The following COL15A1 variants were observed in gnomAD, a reference collection of about 807,000 sequenced individuals.
COL15A1 encodes the protein collagen alpha-1(XV) chain.
COL15A1 carries 111 observed loss-of-function variants against 165.9 expected under a neutral mutation model. That is an observed-to-expected ratio of 0.67 (90% CI 0.57 to 0.78). COL15A1 has a LOEUF of 0.78. Ranked by LOEUF, COL15A1 falls within the 30% of genes least tolerant of loss-of-function variation. COL15A1 has a pLI of 0.00. For missense variants in COL15A1, 1,745 were observed against 1,789.7 expected (o/e 0.98, Z 0.45); for synonymous variants, 659 against 674.8 (o/e 0.98, Z 0.36).
chr9:98,952,413 T>C (rs180738267), intron 2 of COL15A1, among the ~76,000 whole-genome samples: 50 of 152,360 alleles, frequency 3.3e-4, no homozygotes, highest in African/African-American at 1.2e-3. Context: ...TCCCAGCTTC[T>C]CTCTACTCAT....
chr9:98,971,973 GCT>G (rs2118840824), intron 2 of COL15A1, among the ~76,000 whole-genome samples: 1 of 152,340 alleles, frequency 6.6e-6, no homozygotes, highest in South Asian at 2.1e-4. Flanking sequence ...GAACGGAGGT[GCT>G]GTACTGACAG....
At chr9:98,986,206 T>C (rs999682253) in intron 3 of COL15A1, 94 bp downstream of exon 3, 1 of 996,948 alleles carries the variant, frequency 1.0e-6, no homozygotes, top group Non-Finnish European at 1.5e-6. Flanking sequence ...ATTATTTTAT[T>C]CTTATGTCCT....
intron 5 of COL15A1, among the ~76,000 whole-genome samples, chr9:98,991,019 T>C (rs1476206675): frequency 6.6e-6 from 1 of 152,138 alleles, no homozygotes; most frequent in Non-Finnish European, 1.5e-5. Flanking sequence ...TTACAACTCT[T>C]AGGGCAGTGC....
chr9:99,047,884 T>G, intron 27 of COL15A1, 45 bp downstream of exon 27: 1 of 1,610,132 alleles, frequency 6.2e-7, no homozygotes, highest in Non-Finnish European at 8.5e-7. Flanking sequence ...GGAGGACACG[T>G]GGGCCAGGCT....
chr9:99,005,104 C>T, intron 9 of COL15A1, 54 bp downstream of exon 9: 1 of 1,503,988 alleles, frequency 6.6e-7, no homozygotes, highest in Non-Finnish European at 8.9e-7. Flanking sequence ...CAGCTCCTGA[C>T]CTTCTCAGAG....
intron 2 of COL15A1, among the ~76,000 whole-genome samples, chr9:98,951,513 T>G (rs149278848): frequency 0.01 from 1,532 of 152,362 alleles, 19 homozygotes; most frequent in Middle Eastern, 0.02. Flanking sequence ...GGCTTCTGAA[T>G]GGGACATGCA....
At chr9:99,040,774 C>A in intron 23 of COL15A1, 1 of 746,082 alleles carries the variant, frequency 1.3e-6, no homozygotes, top group African/African-American at 1.8e-5. Flanking sequence ...CTGCGTCAGC[C>A]TCCCAAAGTG....
chr9:98,981,586 A>G (rs753060434), intron 2 of COL15A1, among the ~76,000 whole-genome samples: 1 of 152,268 alleles, frequency 6.6e-6, no homozygotes, highest in Non-Finnish European at 1.5e-5. Context: ...CACCATTTAT[A>G]TGAGGTGTAG....
In COL15A1 at chr9:99,015,515, T is replaced by TGGCCTGGCTCCCCTCACAGCC; in HGVS notation, c.1453_1473dup (p.Gly485_Ala491dup). ...AGGAAGCCAGTGGGGTCCCCACAGA[T>TGGCCTGGCTCCCCTCACAGCC]GGCCTGGCTCCCCTCACAGCCACCA... On this transcript the variant is annotated inframe_insertion, in exon 10 of 42. Transcript: ENST00000375001. The TGGCCTGGCTCCCCTCACAGCC allele has an allele frequency of 3.1e-6, 5 of 1,613,772 alleles. No homozygotes were observed. Among genetic ancestry groups the TGGCCTGGCTCCCCTCACAGCC allele is most frequent in the Non-Finnish European group, 4.2e-6 (5 of 1,179,876 alleles).
At chr9:99,039,239 G>C (rs1475399689) in intron 22 of COL15A1, among the ~76,000 whole-genome samples, 1 of 152,192 alleles carries the variant, frequency 6.6e-6, no homozygotes, top group African/African-American at 2.4e-5. Context: ...GGCCAGAAGT[G>C]GTGGCTCACG....
At chr9:98,946,941 G>A (rs922452516) in intron 2 of COL15A1, among the ~76,000 whole-genome samples, 1 of 152,204 alleles carries the variant, frequency 6.6e-6, no homozygotes, top group Non-Finnish European at 1.5e-5. Context: ...AAGCATGTTT[G>A]TAAGTGGGCT....
In COL15A1 at chr9:99,015,586, C is replaced by T; in HGVS notation, c.1503+20C>T. On this transcript the variant is annotated intron_variant, in intron 10 of 41. Transcript: ENST00000375001. ...ACTTCTGTAAGTGTCATCTTGTGTC[C>T]TCTCTGGCTCACAGGGGAGAGACAG... 1 of 1,610,690 alleles carries T rather than the reference C, an allele frequency of 6.2e-7. No homozygotes were observed.
chr9:99,016,601 G>A (rs1449878551), intron 11 of COL15A1, among the ~76,000 whole-genome samples: 2 of 152,254 alleles, frequency 1.3e-5, no homozygotes, highest in Non-Finnish European at 2.9e-5. Context: ...GCAAGGCCAA[G>A]TCAGAGAATG....
In COL15A1 at chr9:98,947,318, G is replaced by A. The variant is rs186408626; in HGVS notation, c.100+3068G>A. On this transcript the variant is annotated intron_variant, in intron 2 of 41. Transcript: ENST00000375001. ...GACATTAAAAAGCAATACATTGTAA[G>A]AGTCCCTATATATGAGATTTCTGTA... Among the ~76,000 whole-genome samples, 960 of 152,198 alleles carry A rather than the reference G, an allele frequency of 6.3e-3. 6 individuals are homozygous for A. Among genetic ancestry groups the A allele is most frequent in the South Asian group, 0.012 (57 of 4,812 alleles).
At position 99,015,585 on chromosome 9, in the gene COL15A1, C is replaced by G. The variant is rs759796106; in HGVS notation, c.1503+19C>G. 1 of 1,611,106 alleles carries G rather than the reference C, an allele frequency of 6.2e-7. No homozygotes were observed. Among genetic ancestry groups the G allele is most frequent in the Non-Finnish European group, 8.5e-7 (1 of 1,178,022 alleles). Reference sequence around the variant, plus strand: ...CACTTCTGTAAGTGTCATCTTGTGTCCTCTCTGGCTCACAGGGGAGAGACA... The same window carrying G: ...CACTTCTGTAAGTGTCATCTTGTGTGCTCTCTGGCTCACAGGGGAGAGACA... On this transcript the variant is annotated intron_variant, in intron 10 of 41. Coordinates refer to ENST00000375001, the MANE Select transcript of COL15A1 (RefSeq NM_001855.5).
intron 26 of COL15A1, among the ~76,000 whole-genome samples, chr9:99,045,302 C>A (rs1270192270): frequency 2.0e-5 from 3 of 152,190 alleles, no homozygotes; most frequent in African/African-American, 7.2e-5. Flanking sequence ...CAAAGGAACC[C>A]CACAAAACCT....
At position 99,005,035 on chromosome 9, in the gene COL15A1, G is replaced by A. The variant is rs201273741; in HGVS notation, c.1338G>A (p.Gly446=). 9 of 1,609,152 alleles carry A rather than the reference G, an allele frequency of 5.6e-6. No individual in the cohort carries two copies. In the East Asian group the frequency reaches 1.8e-4, roughly 32 times the overall value. Residue 446 remains glycine, a synonymous_variant, in exon 9 of 42, where the codon GGG becomes GGA. Transcript: ENST00000375001. ...LDLSMSAQSL[G]EEATVGPSSE... ...TCTCCATGTCCGCCCAGAGCCTCGGGGAAGAGGCCACTGTGGTAAGGATCG... is the reference window on the plus strand; with the variant it reads ...TCTCCATGTCCGCCCAGAGCCTCGGAGAAGAGGCCACTGTGGTAAGGATCG...
chr9:99,033,234 A>G lies in COL15A1; in HGVS notation c.2044-1315A>G, dbSNP rs371630261. On this transcript the variant is annotated intron_variant, in intron 16 of 41. Transcript: ENST00000375001. ...GAAGGAATAAGATGTGCCATCAGGC[A>G]GGGCACCTCAGCAGCTGATCTTCCG... Among the ~76,000 whole-genome samples the G allele has an allele frequency of 7.9e-5, 12 of 152,374 alleles. No homozygotes were observed. In the East Asian group the frequency reaches 1.3e-3, roughly 17 times the overall value.
intron 9 of COL15A1, among the ~76,000 whole-genome samples, chr9:99,007,424 T>A (rs1838780891): frequency 6.6e-6 from 1 of 152,238 alleles, no homozygotes; most frequent in Admixed American, 6.5e-5. Context: ...TCCCCCTTTT[T>A]AAAATCTTTC....
Sources: gnomAD v4.1 joint callset for allele counts (sites outside exome capture counted in the v4.1 genomes callset) on GRCh38, gnomAD v4.1.1 for gene constraint, MANE v1.5 for transcripts, NCBI Gene and HGNC (gene_info 2026-07-23, HGNC 2026-07-21) for gene names.